PEPD: variants seen among roughly 807,000 people sequenced by gnomAD.
PEPD encodes the protein xaa-Pro dipeptidase.
Under a neutral mutation model 60.7 loss-of-function variants are expected in PEPD, and 53 were observed. The ratio of observed to expected loss-of-function variants is 0.87; its 90% CI spans 0.70 to 1.10. The LOEUF is 1.10. Ranked by LOEUF, PEPD falls within the 50% of genes least tolerant of loss-of-function variation. The pLI is 0.00. For missense variants in PEPD, 711 were observed against 711.9 expected (o/e 1.00, Z 0.01); for synonymous variants, 267 against 284.1 (o/e 0.94, Z 0.60).
chr19:33,391,509 A>G (rs745371290), intron 12 of PEPD, 30 bp from the exon 13 acceptor site: 1 of 1,543,518 alleles, frequency 6.5e-7, no homozygotes. Context: ...GCCGTGAGCC[A>G]CAGAGCCCAG....
At position 33,512,703 on chromosome 19, in the gene PEPD, A is replaced by C. The variant is rs1217743312; in HGVS notation, c.91T>G (p.Cys31Gly). 2 of 1,614,046 alleles carry C rather than the reference A, an allele frequency of 1.2e-6. No homozygotes were observed. Among genetic ancestry groups the C allele is most frequent in the Non-Finnish European group, 1.7e-6 (2 of 1,179,996 alleles). ...ALFALNRQRL[C>G]ERLRKNPAVQ... Reference sequence around the variant, plus strand: ...GCAGGGTTCTTCCGCAGCCGCTCACACAGGCGCTGCCGGTTCAAGGCAAAG... The same window carrying C: ...GCAGGGTTCTTCCGCAGCCGCTCACCCAGGCGCTGCCGGTTCAAGGCAAAG... Residue 31 changes from cysteine (C) to glycine (G), a missense_variant, in exon 2 of 15, where the codon TGT becomes GGT. Physicochemically the swap from Cys to Gly is radical, Grantham distance 159. Coordinates refer to ENST00000244137, the MANE Select transcript of PEPD (RefSeq NM_000285.4).
chr19:33,440,075 A>G (rs1295450559), intron 9 of PEPD, among the ~76,000 whole-genome samples: 3 of 152,230 alleles, frequency 2.0e-5, no homozygotes, highest in African/African-American at 7.2e-5. Flanking sequence ...AACCTTCTAA[A>G]TGACAACCAC....
intron 9 of PEPD, among the ~76,000 whole-genome samples, chr19:33,449,002 C>T (rs566957697): frequency 2.0e-5 from 3 of 152,124 alleles, no homozygotes; most frequent in Non-Finnish European, 4.4e-5. Context: ...AGGTGGGGAC[C>T]CAGGGTTTCC....
At chr19:33,455,129 G>C (rs1395696917) in intron 9 of PEPD, among the ~76,000 whole-genome samples, 1 of 152,170 alleles carries the variant, frequency 6.6e-6, no homozygotes, top group African/African-American at 2.4e-5. Context: ...TTAGGTAAAA[G>C]CTAAGGCCGC....
intron 9 of PEPD, among the ~76,000 whole-genome samples, chr19:33,416,689 T>C (rs1467309576): frequency 1.3e-5 from 2 of 152,226 alleles, no homozygotes; most frequent in Admixed American, 6.5e-5. Flanking sequence ...GGCTGCTGTG[T>C]GGGCCCCGTT....
Position 33,506,835 on chromosome 19 carries a change from C to T in PEPD, c.329+4193G>A, listed in dbSNP as rs531845212. On this transcript the variant is annotated intron_variant, in intron 3 of 14. Transcript: ENST00000244137. ...ACACACACAAAACACAGCACACGCA[C>T]ACCCACATTCACCCCTCCTCATAAA... Among the ~76,000 whole-genome samples, 4 of 150,808 alleles carry T rather than the reference C, an allele frequency of 2.7e-5. No individual in the cohort carries two copies. The South Asian group carries it at 8.5e-4, about 32-fold the overall frequency.
intron 4 of PEPD, among the ~76,000 whole-genome samples, chr19:33,499,834 C>T (rs1213504237): frequency 6.6e-6 from 1 of 152,186 alleles, no homozygotes; most frequent in African/African-American, 2.4e-5. Flanking sequence ...GGCTGGCCAC[C>T]CCCGAGCTGG....
At chr19:33,506,440 ACAC>A (rs1390239847) in intron 3 of PEPD, among the ~76,000 whole-genome samples, 4 of 144,468 alleles carry the variant, frequency 2.8e-5, no homozygotes, top group Non-Finnish European at 4.5e-5. Context: ...ACACACCCAC[ACAC>A]AACACACTCA....
intron 9 of PEPD, among the ~76,000 whole-genome samples, chr19:33,420,158 G>A (rs961387414): frequency 1.3e-5 from 2 of 152,174 alleles, no homozygotes; most frequent in African/African-American, 4.8e-5. Context: ...GAGTTTCGGA[G>A]TTCCTCGGAT....
intron 1 of PEPD, among the ~76,000 whole-genome samples, chr19:33,516,327 A>G (rs1259614193): frequency 6.6e-6 from 1 of 152,184 alleles, no homozygotes; most frequent in Non-Finnish European, 1.5e-5. Context: ...CCAGAATTTA[A>G]AAGGCAAAAG....
At chr19:33,501,069 C>T (rs1214269660) in intron 3 of PEPD, 68 bp from the exon 4 acceptor site, 15 of 935,978 alleles carry the variant, frequency 1.6e-5, no homozygotes, top group Non-Finnish European at 2.3e-5. Flanking sequence ...CACCTTCCTG[C>T]CTGCCAAGCC....
chr19:33,471,032 C>T (rs1024904823), intron 7 of PEPD, among the ~76,000 whole-genome samples: 1 of 152,146 alleles, frequency 6.6e-6, no homozygotes, highest in Non-Finnish European at 1.5e-5. Flanking sequence ...GAGAAAGGAC[C>T]ACATCCTCCT....
chr19:33,413,291 T>C (rs1481840278), intron 10 of PEPD, among the ~76,000 whole-genome samples: 2 of 152,338 alleles, frequency 1.3e-5, no homozygotes, highest in East Asian at 1.9e-4. Context: ...TTAGCTGCTG[T>C]GCTGACCAGC....
In PEPD at chr19:33,418,684, G is replaced by A. The variant is rs554529519; in HGVS notation, c.672-5041C>T. Among the ~76,000 whole-genome samples, 13 of 152,326 alleles carry A rather than the reference G, an allele frequency of 8.5e-5. No individual in the cohort carries two copies. The South Asian group carries it at 1.0e-3, about 12-fold the overall frequency. On this transcript the variant is annotated intron_variant, in intron 9 of 14. Coordinates refer to ENST00000244137, the MANE Select transcript of PEPD (RefSeq NM_000285.4). Reference sequence around the variant, plus strand: ...CCTGGCTCTTTTAGCACTGTTCCCCGTAGGTCTTCCAAAGAGCAGGTACTG... The same window carrying A: ...CCTGGCTCTTTTAGCACTGTTCCCCATAGGTCTTCCAAAGAGCAGGTACTG...
chr19:33,411,900 G>A (rs1968785422), intron 10 of PEPD, 151 bp from the exon 11 acceptor site: 1 of 697,260 alleles, frequency 1.4e-6, no homozygotes, highest in Non-Finnish European at 2.6e-6. Context: ...CACAGCCAGA[G>A]GTAAGGCCGG....
chr19:33,413,590 G>A lies in PEPD; in HGVS notation c.725C>T (p.Thr242Ile), dbSNP rs1364736548. 8 of 1,580,354 alleles carry A rather than the reference G, an allele frequency of 5.1e-6. No homozygotes were observed. Among genetic ancestry groups the A allele is most frequent in the Non-Finnish European group, 6.0e-6 (7 of 1,161,872 alleles). ...CCCCGCTTACCTGCCGCAGATGCAGGTGTAGGAGCTGTGGCGCATGCCGCC... is the reference window on the plus strand; with the variant it reads ...CCCCGCTTACCTGCCGCAGATGCAGATGTAGGAGCTGTGGCGCATGCCGCC... ...SRGGMRHSSY[T>I]CICGSGENSA... is the part of the protein sequence containing the mutation. Residue 242 changes from threonine (T) to isoleucine (I), a missense_variant, in exon 10 of 15, where the codon ACC becomes ATC. Transcript: ENST00000244137.
chr19:33,445,581 C>T (rs546844265), intron 9 of PEPD, among the ~76,000 whole-genome samples: 1 of 152,220 alleles, frequency 6.6e-6, no homozygotes, highest in Non-Finnish European at 1.5e-5. Flanking sequence ...AGAGAGGCCT[C>T]AGAGAGTAGC....
At chr19:33,506,609 C>T (rs1970817346) in intron 3 of PEPD, among the ~76,000 whole-genome samples, 1 of 148,080 alleles carries the variant, frequency 6.8e-6, no homozygotes, top group African/African-American at 2.5e-5. Flanking sequence ...ACACCCTACA[C>T]ACCACACATG....
chr19:33,458,673 ATGGTGGAGGTC>A (rs1969866090), intron 9 of PEPD, among the ~76,000 whole-genome samples: 1 of 128,634 alleles, frequency 7.8e-6, no homozygotes. Context: ...TGTGGTGTGT[ATGGTGGAGGTC>A]TGTGGTGTGT....
Sources: allele counts gnomAD v4.1 joint callset (sites outside exome capture counted in the v4.1 genomes callset), GRCh38; gene constraint gnomAD v4.1.1; transcripts MANE v1.5; gene names NCBI Gene and HGNC (gene_info 2026-07-23, HGNC 2026-07-21).